ATG7: variants seen among roughly 807,000 people sequenced by gnomAD.
ATG7 encodes autophagy related 7.
In ATG7, 70 loss-of-function variants were observed where a neutral mutation model predicts 82.4. The ratio of observed to expected loss-of-function variants is 0.85; its 90% CI spans 0.70 to 1.04. ATG7 has a LOEUF of 1.04. Among genes scored for constraint, ATG7 ranks in the 50% least tolerant of loss-of-function variants. The pLI is 0.00. For missense variants in ATG7, 792 were observed against 864.3 expected, an observed-to-expected ratio of 0.92 and a Z score of 1.05; for synonymous variants, 287 against 313.0, an observed-to-expected ratio of 0.92 and a Z score of 0.88.
chr3:11,492,323 G>A lies in ATG7; in HGVS notation c.2080-62488G>A, dbSNP rs564939046. Reference sequence around the variant, plus strand: ...GCAATGCCTCGCCCTGCTTCGGCTCGCACACGGTGCTCTGCATACACTGTC... The same window carrying A: ...GCAATGCCTCGCCCTGCTTCGGCTCACACACGGTGCTCTGCATACACTGTC... On this transcript the variant is annotated intron_variant, in intron 20 of 20. Coordinates refer to ENST00000693202, the MANE Select transcript of ATG7 (RefSeq NM_001349232.2). Among the ~76,000 whole-genome samples the A allele has an allele frequency of 1.7e-3, 261 of 152,264 alleles. 1 individual carries two copies. The highest frequency in any genetic ancestry group is 5.2e-3 in the African/African-American group (217 of 41,558).
At chr3:11,402,463 T>A (rs1288037709) in intron 19 of ATG7, among the ~76,000 whole-genome samples, 1 of 151,956 alleles carries the variant, frequency 6.6e-6, no homozygotes, top group Non-Finnish European at 1.5e-5. Context: ...AAATACTGGA[T>A]AAGCTAGGGG....
chr3:11,375,037 CT>C (rs200218448), intron 18 of ATG7, among the ~76,000 whole-genome samples: 9,297 of 47,456 alleles, frequency 0.2, 1,071 homozygotes, highest in African/African-American at 0.48. Context: ...CCTCATCTCT[CT>C]TAAAAAAAAA....
intron 19 of ATG7, among the ~76,000 whole-genome samples, chr3:11,404,146 T>TC (rs1188657033): frequency 6.8e-6 from 1 of 147,454 alleles, no homozygotes; most frequent in East Asian, 2.0e-4. Context: ...TTTTTTTTTT[T>TC]TTTTGCGGTA....
intron 20 of ATG7, among the ~76,000 whole-genome samples, chr3:11,495,949 A>G (rs1298865295): frequency 1.3e-5 from 2 of 152,154 alleles, no homozygotes; most frequent in East Asian, 1.9e-4. Context: ...ATATTGTGTC[A>G]TTTTCATAGG....
intron 20 of ATG7, among the ~76,000 whole-genome samples, chr3:11,498,605 T>C (rs1369782461): frequency 6.6e-5 from 10 of 152,232 alleles, no homozygotes; most frequent in Admixed American, 6.5e-4. Flanking sequence ...TTAAAGCTTC[T>C]AACGCCTCAG....
chr3:11,508,092 T>A (rs2091843834), intron 20 of ATG7, among the ~76,000 whole-genome samples: 1 of 152,098 alleles, frequency 6.6e-6, no homozygotes, highest in Non-Finnish European at 1.5e-5. Context: ...AAAACAAAAG[T>A]GTTTTTTCAA....
chr3:11,331,256 A>G, intron 9 of ATG7, 84 bp from the exon 10 acceptor site: 1 of 1,130,090 alleles, frequency 8.8e-7, no homozygotes, highest in Non-Finnish European at 1.3e-6. Context: ...AAGCATAAAA[A>G]AGCAAAGAGG....
At chr3:11,383,717 A>G (rs6779640) in intron 19 of ATG7, among the ~76,000 whole-genome samples, 132,214 of 152,214 alleles carry the variant, frequency 0.87, 57,753 homozygotes, top group East Asian at 1. Flanking sequence ...CAAAGTGCTG[A>G]GATTACAGGC....
At chr3:11,436,363 C>G (rs1484559169) in intron 20 of ATG7, among the ~76,000 whole-genome samples, 1 of 152,154 alleles carries the variant, frequency 6.6e-6, no homozygotes, top group African/African-American at 2.4e-5. Flanking sequence ...CTCCTACCTA[C>G]TAGTGGGAGT....
intron 3 of ATG7, among the ~76,000 whole-genome samples, chr3:11,290,820 G>T (rs762233722): frequency 2.0e-5 from 3 of 152,120 alleles, no homozygotes; most frequent in Non-Finnish European, 4.4e-5. Flanking sequence ...GAGTAGCTGG[G>T]ATTATAGGCA....
intron 11 of ATG7, among the ~76,000 whole-genome samples, chr3:11,337,981 G>A (rs990967289): frequency 6.6e-6 from 1 of 151,492 alleles, no homozygotes; most frequent in African/African-American, 2.4e-5. Context: ...TTTTATTTTC[G>A]GTTCAGGGGT....
At chr3:11,573,324 A>G in the ATG7 span, among the ~76,000 whole-genome samples, 126 of 39,472 alleles carry the variant, frequency 3.2e-3, 10 homozygotes, top group East Asian at 0.01. Context: ...AGGAAGAAAG[A>G]AAGAAAGAAA....
intron 9 of ATG7, among the ~76,000 whole-genome samples, chr3:11,316,973 C>T (rs1460110409): frequency 6.6e-6 from 1 of 151,904 alleles, no homozygotes; most frequent in Non-Finnish European, 1.5e-5. Flanking sequence ...ACTACATTTA[C>T]ATTTTATTTT....
Position 11,306,956 on chromosome 3 carries a change from C to G in ATG7, c.229C>G (p.Pro77Ala). ...TCTTGTATCTAGGAGTGCTCCCACCCCAGCCCGTTGCTGCCCAGCTATTGG... is the reference window on the plus strand; with the variant it reads ...TCTTGTATCTAGGAGTGCTCCCACCGCAGCCCGTTGCTGCCCAGCTATTGG... Reference protein sequence around the residue: ...FSAFDMSAPTPARCCPAIGTL... With the variant: ...FSAFDMSAPTAARCCPAIGTL... The change falls in exon 6 of 21, where the codon CCA (proline) becomes GCA (alanine). Residue 77 changes from proline to alanine, a missense_variant. Pro to Ala is a conservative substitution (Grantham distance 27). Transcript: ENST00000693202. 1 of 1,613,984 alleles carries G rather than the reference C, an allele frequency of 6.2e-7. No individual in the cohort carries two copies. Among genetic ancestry groups the G allele is most frequent in the Non-Finnish European group, 8.5e-7 (1 of 1,179,906 alleles).
At chr3:11,381,294 G>C (rs2077879587) in intron 19 of ATG7, among the ~76,000 whole-genome samples, 1 of 145,832 alleles carries the variant, frequency 6.9e-6, no homozygotes, top group Non-Finnish European at 1.5e-5. Flanking sequence ...ATCTTTAGTG[G>C]AGCAGATTTT....
intron 14 of ATG7, among the ~76,000 whole-genome samples, chr3:11,356,690 T>C (rs1045836048): frequency 6.6e-6 from 1 of 152,238 alleles, no homozygotes; most frequent in African/African-American, 2.4e-5. Flanking sequence ...TTAACATGCT[T>C]TGTCAATTGT....
intron 20 of ATG7, among the ~76,000 whole-genome samples, chr3:11,438,614 T>A (rs1237445754): frequency 1.3e-5 from 2 of 152,084 alleles, no homozygotes; most frequent in African/African-American, 4.8e-5. Context: ...TAACCTAAAT[T>A]CTGTTGTCTC....
At chr3:11,574,863 G>GC in the ATG7 span, among the ~76,000 whole-genome samples, 5 of 144,408 alleles carry the variant, frequency 3.5e-5, no homozygotes, top group Middle Eastern at 3.5e-3. Context: ...AGGGCTAGCT[G>GC]CCCCCAAATA....
intron 19 of ATG7, among the ~76,000 whole-genome samples, chr3:11,399,668 G>A (rs759258111): frequency 1.1e-4 from 17 of 151,872 alleles, no homozygotes; most frequent in African/African-American, 3.1e-4. Flanking sequence ...TCCACTTCCC[G>A]GGCTCAGACG....
Sources: gnomAD v4.1 joint callset for allele counts (sites outside exome capture counted in the v4.1 genomes callset) on GRCh38, gnomAD v4.1.1 for gene constraint, MANE v1.5 for transcripts, NCBI Gene and HGNC (gene_info 2026-07-23, HGNC 2026-07-21) for gene names.